PRKCA: variants seen among roughly 807,000 people sequenced by gnomAD.
The protein encoded by PRKCA is protein kinase C alpha.
In PRKCA, 27 loss-of-function variants were observed where a neutral mutation model predicts 87.0. That is an observed-to-expected ratio of 0.31 (90% CI 0.23 to 0.43). PRKCA has a LOEUF of 0.43. Ranked by LOEUF, PRKCA falls within the 20% of genes least tolerant of loss-of-function variation. The pLI, the probability that PRKCA is intolerant of heterozygous loss-of-function variation, is 1.00. For missense variants in PRKCA, 518 were observed against 852.3 expected, an observed-to-expected ratio of 0.61 and a Z score of 4.88; for synonymous variants, 329 against 311.1, an observed-to-expected ratio of 1.06 and a Z score of -0.61.
At chr17:66,305,969 TC>T in intron 1 of PRKCA, 126 bp from the exon 2 acceptor site, 1 of 861,344 alleles carries the variant, frequency 1.2e-6, no homozygotes, top group Non-Finnish European at 1.9e-6. Context: ...TATGTTTTTT[TC>T]TATTAAATCA....
chr17:66,534,700 C>T (rs549599422), intron 3 of PRKCA, among the ~76,000 whole-genome samples: 1 of 152,154 alleles, frequency 6.6e-6, no homozygotes, highest in South Asian at 2.1e-4. Flanking sequence ...ACAAGTTGAT[C>T]TTTCTGAATG....
At chr17:66,683,263 G>A (rs1972538147) in intron 5 of PRKCA, among the ~76,000 whole-genome samples, 1 of 152,168 alleles carries the variant, frequency 6.6e-6, no homozygotes, top group Non-Finnish European at 1.5e-5. Context: ...TTTAAATGAT[G>A]GATATTAAAA....
At chr17:66,427,324 G>A (rs888351425) in intron 2 of PRKCA, among the ~76,000 whole-genome samples, 5 of 152,238 alleles carry the variant, frequency 3.3e-5, no homozygotes, top group African/African-American at 9.6e-5. Context: ...GCACCACCAT[G>A]CCTGGCCTCA....
chr17:66,548,157 G>A (rs1310724946), intron 3 of PRKCA, among the ~76,000 whole-genome samples: 3 of 152,140 alleles, frequency 2.0e-5, no homozygotes, highest in East Asian at 1.9e-4. Context: ...CCTTGAAGTC[G>A]ACAGTGGAAG....
intron 5 of PRKCA, among the ~76,000 whole-genome samples, chr17:66,684,717 A>G (rs1972579613): frequency 6.6e-6 from 1 of 152,224 alleles, no homozygotes; most frequent in Non-Finnish European, 1.5e-5. Context: ...TTGAAGATAT[A>G]AAAGCCAGCA....
intron 3 of PRKCA, among the ~76,000 whole-genome samples, chr17:66,516,399 G>A (rs1474713222): frequency 1.3e-5 from 2 of 152,262 alleles, no homozygotes; most frequent in African/African-American, 2.4e-5. Flanking sequence ...TTGGAAAGCC[G>A]AGGCGGGTGA....
At chr17:66,368,581 G>A (rs965618866) in intron 2 of PRKCA, among the ~76,000 whole-genome samples, 2 of 150,498 alleles carry the variant, frequency 1.3e-5, no homozygotes, top group African/African-American at 4.9e-5. Flanking sequence ...TTGTAGAGAC[G>A]GGATTGCGCT....
intron 4 of PRKCA, among the ~76,000 whole-genome samples, chr17:66,644,942 A>G (rs1423404224): frequency 1.3e-5 from 2 of 151,848 alleles, no homozygotes; most frequent in Non-Finnish European, 1.5e-5. Context: ...GTGAGCTAGG[A>G]TTATGCCACT....
At chr17:66,678,356 C>T (rs905129346) in intron 5 of PRKCA, among the ~76,000 whole-genome samples, 1 of 152,210 alleles carries the variant, frequency 6.6e-6, no homozygotes, top group Non-Finnish European at 1.5e-5. Flanking sequence ...TCCAGAACTG[C>T]AAGAGAATAC....
At chr17:66,359,923 A>G (rs893610341) in intron 2 of PRKCA, among the ~76,000 whole-genome samples, 2 of 152,150 alleles carry the variant, frequency 1.3e-5, no homozygotes, top group Admixed American at 1.3e-4. Flanking sequence ...TTAACCTCCT[A>G]CTAAACTGCC....
At chr17:66,489,916 G>C (rs1286493811) in intron 2 of PRKCA, among the ~76,000 whole-genome samples, 3 of 151,894 alleles carry the variant, frequency 2.0e-5, no homozygotes. Flanking sequence ...AAGTAGCTGG[G>C]ATTACAGGCA....
At chr17:66,624,078 G>A (rs1970771781) in intron 3 of PRKCA, among the ~76,000 whole-genome samples, 1 of 152,054 alleles carries the variant, frequency 6.6e-6, no homozygotes, top group African/African-American at 2.4e-5. Context: ...AATTACATTG[G>A]GTCAAATGGT....
chr17:66,317,382 C>G (rs1216245075), intron 2 of PRKCA, among the ~76,000 whole-genome samples: 1 of 152,124 alleles, frequency 6.6e-6, no homozygotes, highest in East Asian at 1.9e-4. Context: ...TTGAGAAATA[C>G]AAGTTTACAT....
intron 3 of PRKCA, among the ~76,000 whole-genome samples, chr17:66,509,800 G>A (rs1238758739): frequency 6.6e-6 from 1 of 152,064 alleles, no homozygotes; most frequent in Non-Finnish European, 1.5e-5. Flanking sequence ...ACTTGTTTGG[G>A]TTATAATTCT....
intron 2 of PRKCA, among the ~76,000 whole-genome samples, chr17:66,362,069 C>T (rs546343834): frequency 2.0e-5 from 3 of 152,050 alleles, no homozygotes; most frequent in South Asian, 2.1e-4. Flanking sequence ...GAGTTTCGCT[C>T]TTGTTGCCCA....
At chr17:66,694,506 A>AT (rs1390961017) in intron 8 of PRKCA, among the ~76,000 whole-genome samples, 36 of 146,966 alleles carry the variant, frequency 2.4e-4, no homozygotes, top group African/African-American at 8.1e-4. Flanking sequence ...AAAAAAAAAA[A>AT]AGGATTTGAT....
At chr17:66,777,676 A>G (rs952707242) in intron 14 of PRKCA, 1 of 985,230 alleles carries the variant, frequency 1.0e-6, no homozygotes, top group Non-Finnish European at 1.2e-6. Flanking sequence ...TCCCACTTGA[A>G]TGTTCAGCTC....
chr17:66,605,748 A>T (rs1304142576), intron 3 of PRKCA, among the ~76,000 whole-genome samples: 1 of 152,248 alleles, frequency 6.6e-6, no homozygotes, highest in East Asian at 1.9e-4. Context: ...TTAGGCAACA[A>T]AAAGGAATGA....
At chr17:66,716,050 C>T (rs1362202914) in intron 8 of PRKCA, among the ~76,000 whole-genome samples, 1 of 152,140 alleles carries the variant, frequency 6.6e-6, no homozygotes, top group Non-Finnish European at 1.5e-5. Context: ...TTTAGAGGAT[C>T]TTCAGTGTGC....
Sources: gnomAD v4.1 joint callset for allele counts (sites outside exome capture counted in the v4.1 genomes callset) on GRCh38, gnomAD v4.1.1 for gene constraint, MANE v1.5 for transcripts, NCBI Gene and HGNC (gene_info 2026-07-23, HGNC 2026-07-21) for gene names.